The following NRCAM variants were observed in gnomAD, a reference collection of about 807,000 sequenced individuals.
The protein encoded by NRCAM is NgCAM-related cell adhesion molecule.
NRCAM carries 83 observed loss-of-function variants against 156.5 expected under a neutral mutation model. The ratio of observed to expected loss-of-function variants is 0.53; its 90% confidence interval spans 0.44 to 0.64. NRCAM has a LOEUF of 0.64. NRCAM is among the 30% of genes least tolerant of loss of function. NRCAM has a pLI of 0.00. For missense variants in NRCAM, 1,417 were observed against 1,597.3 expected, an observed-to-expected ratio of 0.89 and a Z score of 1.92; for synonymous variants, 538 against 563.9, an observed-to-expected ratio of 0.95 and a Z score of 0.65.
Position 108,168,348 on chromosome 7 carries a change from T to A in NRCAM, c.3242A>T (p.Tyr1081Phe). 1.2e-6 allele frequency: 2 copies of A among 1,610,172 alleles called. No homozygotes were observed. Residue 1081 changes from tyrosine (Y) to phenylalanine (F), a missense_variant, in exon 29 of 33, where the codon TAT (tyrosine) becomes TTT (phenylalanine). By Grantham distance (22) the Tyr-to-Phe change is conservative. This residue lies in a region of NRCAM where 1,238 missense variants were observed against 1,336.4 expected (regional missense o/e 0.93). Coordinates refer to ENST00000379028, the MANE Select transcript of NRCAM (RefSeq NM_001037132.4). ...CTCATATTCCCAACTGATATTGGCA[T>A]AGGTCTCAGCAGCTGCAGCAGTAAG... The part of the protein sequence containing the change: ...SNLTAAAAET[Y>F]ANISWEYEGP...
At chr7:108,422,912 C>T (rs1336503054) in intron 1 of NRCAM, among the ~76,000 whole-genome samples, 1 of 152,130 alleles carries the variant, frequency 6.6e-6, no homozygotes, top group African/African-American at 2.4e-5. Flanking sequence ...GTAGGGTGGT[C>T]CTCTCATTTC....
chr7:108,418,387 T>A (rs982586691), intron 1 of NRCAM, among the ~76,000 whole-genome samples: 5 of 152,116 alleles, frequency 3.3e-5, no homozygotes, highest in Non-Finnish European at 7.3e-5. Flanking sequence ...GGGACACCAA[T>A]CACGGCTAGG....
intron 31 of NRCAM, 148 bp downstream of exon 31, chr7:108,160,213 A>G: frequency 1.5e-6 from 1 of 687,216 alleles, no homozygotes; most frequent in Non-Finnish European, 2.4e-6. Flanking sequence ...TTATATAAAA[A>G]GGGATCAAAA....
At chr7:108,283,429 T>G (rs1210521925) in intron 3 of NRCAM, among the ~76,000 whole-genome samples, 1 of 152,208 alleles carries the variant, frequency 6.6e-6, no homozygotes, top group Non-Finnish European at 1.5e-5. Context: ...AATGCCAGAT[T>G]AGTCACAATT....
chr7:108,196,244 G>A (rs2075003342), intron 14 of NRCAM, among the ~76,000 whole-genome samples: 1 of 152,134 alleles, frequency 6.6e-6, no homozygotes, highest in Non-Finnish European at 1.5e-5. Flanking sequence ...AGGAACGGTG[G>A]GGAACACATA....
At chr7:108,402,046 T>C (rs565688598) in intron 1 of NRCAM, among the ~76,000 whole-genome samples, 1 of 152,360 alleles carries the variant, frequency 6.6e-6, no homozygotes, top group South Asian at 2.1e-4. Context: ...GAGATTTAAC[T>C]GTTTTGGAGA....
intron 11 of NRCAM, among the ~76,000 whole-genome samples, chr7:108,218,001 C>T (rs963525589): frequency 6.6e-5 from 10 of 152,154 alleles, no homozygotes; most frequent in African/African-American, 2.4e-4. Flanking sequence ...CGGTGTCTGC[C>T]CAAATGGTCG....
At chr7:108,352,224 T>C (rs2099417991) in intron 2 of NRCAM, among the ~76,000 whole-genome samples, 1 of 152,236 alleles carries the variant, frequency 6.6e-6, no homozygotes, top group African/African-American at 2.4e-5. Flanking sequence ...GAATGCAAGA[T>C]ATTGCATCCT....
rs747566452 is a variant in NRCAM at position 108,246,077 on chromosome 7, A to C, written c.-106-5907T>G. 8.7e-4 allele frequency among the ~76,000 whole-genome samples: 132 copies of C among 152,222 alleles called. 1 individual carries two copies. The highest frequency in any genetic ancestry group is 1.5e-3 in the Non-Finnish European group (104 of 68,032). On this transcript the variant is annotated intron_variant, in intron 3 of 32. Coordinates refer to ENST00000379028, the MANE Select transcript of NRCAM (RefSeq NM_001037132.4). ...TGTCAGGATTGGCTTCTGGGATGAG[A>C]GAGCTGATTGGAAAAGGAAAGATGG...
chr7:108,155,141 CACATAT>C (rs1563168914), intron 32 of NRCAM, among the ~76,000 whole-genome samples: 2 of 114,472 alleles, frequency 1.7e-5, no homozygotes, highest in African/African-American at 8.4e-5. Context: ...CACACACACA[CACATAT>C]AGCAGACCTT....
intron 11 of NRCAM, among the ~76,000 whole-genome samples, chr7:108,220,266 T>C (rs2091721149): frequency 6.6e-6 from 1 of 152,090 alleles, no homozygotes; most frequent in Non-Finnish European, 1.5e-5. Flanking sequence ...GAAAATGACA[T>C]ACTGCCAAAA....
intron 3 of NRCAM, among the ~76,000 whole-genome samples, chr7:108,271,759 C>T (rs1325234398): frequency 1.3e-5 from 2 of 151,692 alleles, no homozygotes; most frequent in African/African-American, 2.4e-5. Context: ...GAAGTTCTTA[C>T]CCCATTTACT....
chr7:108,329,118 T>G (rs2154241853), intron 2 of NRCAM, among the ~76,000 whole-genome samples: 1 of 152,322 alleles, frequency 6.6e-6, no homozygotes, highest in South Asian at 2.1e-4. Flanking sequence ...ACCTATTTAT[T>G]TCTGAATTTC....
intron 1 of NRCAM, among the ~76,000 whole-genome samples, chr7:108,452,336 A>G (rs1443733987): frequency 1.2e-4 from 19 of 152,174 alleles, no homozygotes; most frequent in Non-Finnish European, 5.9e-5. Flanking sequence ...ATGTATACAT[A>G]TATCAAAATA....
At chr7:108,181,271 CTG>C (rs1427476989) in intron 24 of NRCAM, among the ~76,000 whole-genome samples, 2 of 151,452 alleles carry the variant, frequency 1.3e-5, no homozygotes, top group South Asian at 2.1e-4. Flanking sequence ...AAAGTAGTGA[CTG>C]TACGCTTGGC....
intron 2 of NRCAM, among the ~76,000 whole-genome samples, chr7:108,333,220 G>A (rs1477965100): frequency 6.6e-6 from 1 of 152,120 alleles, no homozygotes; most frequent in Non-Finnish European, 1.5e-5. Context: ...ACTGAAGTGT[G>A]TTCAAGTACT....
chr7:108,328,849 C>G (rs1179484467), intron 2 of NRCAM, among the ~76,000 whole-genome samples: 1 of 152,116 alleles, frequency 6.6e-6, no homozygotes, highest in Non-Finnish European at 1.5e-5. Context: ...AAATCTTGTA[C>G]TAACTCAAAA....
In NRCAM at chr7:108,335,434, C is replaced by CTTTTTTTTTTTTTTTTTT. The variant is rs58975301; in HGVS notation, c.-173-22721_-173-22704dup. Reference sequence around the variant, plus strand: ...ATGTCCTGTGGATCTGTTCCACCTGCTTTTTTTTTTTTTTTTTTTTTTTTT... The same window carrying CTTTTTTTTTTTTTTTTTT: ...ATGTCCTGTGGATCTGTTCCACCTGCTTTTTTTTTTTTTTTTTTTTTTTTTTTTTTTTTTTTTTTTTTT... On this transcript the variant is annotated intron_variant, in intron 2 of 32. Transcript: ENST00000379028. Among the ~76,000 whole-genome samples, 67 of 69,876 alleles carry CTTTTTTTTTTTTTTTTTT rather than the reference C, an allele frequency of 9.6e-4. 9 individuals are homozygous for CTTTTTTTTTTTTTTTTTT. Among genetic ancestry groups the CTTTTTTTTTTTTTTTTTT allele is most frequent in the African/African-American group, 1.6e-3 (27 of 17,038 alleles). The allele number at this position is 69,876 out of a possible 152,430, so 45.8% of individuals were successfully genotyped here.
chr7:108,176,774 A>G, intron 26 of NRCAM, 168 bp from the exon 27 acceptor site: 2 of 580,902 alleles, frequency 3.4e-6, no homozygotes, highest in Non-Finnish European at 6.1e-6. Flanking sequence ...AACAGCTCCT[A>G]TGCTATGTTC....
Sources: allele counts gnomAD v4.1 joint callset (sites outside exome capture counted in the v4.1 genomes callset), GRCh38; gene constraint gnomAD v4.1.1; regional missense constraint gnomAD v4.1.1; transcripts MANE v1.5; gene names NCBI Gene and HGNC (gene_info 2026-07-23, HGNC 2026-07-21).